NCBP3: variants seen among roughly 807,000 people sequenced by gnomAD.
NCBP3 encodes nuclear cap-binding protein subunit 3.
A neutral mutation model predicts 75.7 loss-of-function variants in NCBP3; 20 were observed. The observed-to-expected ratio is 0.26, with a 90% CI of 0.19 to 0.38. The LOEUF (loss-of-function observed/expected upper bound fraction) is 0.38, where lower values mean the gene tolerates loss of function less well. NCBP3 is among the 10% of genes least tolerant of loss of function. The pLI is 1.00. For synonymous variants in NCBP3, 293 were observed against 290.5 expected (o/e 1.01, Z -0.09); for missense variants, 678 against 796.9 (o/e 0.85, Z 1.80).
intron 3 of NCBP3, among the ~76,000 whole-genome samples, chr17:3,831,204 C>T (rs1233557997): frequency 1.3e-5 from 2 of 151,216 alleles, no homozygotes; most frequent in South Asian, 4.2e-4. Flanking sequence ...AGCCACCACA[C>T]CCGGCTTTTT....
rs1285255770 is a variant in NCBP3, at chr17:3,818,722, T to C, written c.1001-150A>G. On this transcript the variant is annotated intron_variant, in intron 9 of 12. Transcript: ENST00000389005. This position sits in a 1 kb window ranked among gnomAD's most constrained non-coding sequence, Gnocchi z 4.7. ...ATCTATAATAGTGCCAAATGGACATTACTCTGATACTGCAACAGGAGGATG... is the reference window on the plus strand; with the variant it reads ...ATCTATAATAGTGCCAAATGGACATCACTCTGATACTGCAACAGGAGGATG... The C allele has an allele frequency of 3.7e-6, 3 of 807,316 alleles. No individual in the cohort carries two copies. The highest frequency in any genetic ancestry group is 5.8e-6 in the Non-Finnish European group (3 of 514,888). 50.0% of individuals were successfully genotyped at this position (807,316 alleles called of 1,614,324 possible). A position where few individuals can be genotyped will look rare whatever the true frequency, so the allele number is the denominator to read the frequency against.
At chr17:3,844,277 T>C (rs919648071) in intron 1 of NCBP3, among the ~76,000 whole-genome samples, 5 of 152,160 alleles carry the variant, frequency 3.3e-5, no homozygotes, top group African/African-American at 9.7e-5. Flanking sequence ...ACTGTATAGT[T>C]TTCTTGACCT....
chr17:3,822,896 AGTCTGG>A (rs1362481721), intron 7 of NCBP3: 10 of 152,254 alleles, frequency 6.6e-5, no homozygotes, highest in African/African-American at 2.4e-4. Context: ...ATGCAAAATG[AGTCTGG>A]AAAAGCAAGA....
chr17:3,813,251 T>A lies in NCBP3; in HGVS notation c.1656A>T (p.Ala552=), dbSNP rs1476013702. ...SGNLWTRLGS[A]PKTKEKNTKK... ...TCGTATTCTTTTCTTTGGTCTTGGGTGCAGATCCTAGGCGAGTCCATAAAT... is the reference window on the plus strand; with the variant it reads ...TCGTATTCTTTTCTTTGGTCTTGGGAGCAGATCCTAGGCGAGTCCATAAAT... Residue 552 remains alanine (A), a synonymous_variant, in exon 13 of 13, where the codon GCA becomes GCT. Coordinates refer to ENST00000389005, the MANE Select transcript of NCBP3 (RefSeq NM_001114118.3). 6.2e-7 allele frequency: 1 copy of A among 1,614,198 alleles called. No homozygotes were observed. Among genetic ancestry groups the A allele is most frequent in the South Asian group, 1.1e-5 (1 of 91,082 alleles).
In NCBP3 at chr17:3,825,089, T is replaced by C. The variant is rs777424938; in HGVS notation, c.688-39A>G. ...AGTATTTTTAATATAAAAATTAAAG[T>C]CCTTTTGATATTTCTTCAGTAGTAA... is the stretch of plus-strand genomic sequence containing the variant. On this transcript the variant is annotated intron_variant, in intron 6 of 12. Coordinates refer to ENST00000389005, the MANE Select transcript of NCBP3 (RefSeq NM_001114118.3). 42 of 1,183,106 alleles carry C rather than the reference T, an allele frequency of 3.5e-5. No individual in the cohort carries two copies. In the Middle Eastern group the frequency reaches 7.2e-4, roughly 20 times the overall value. The allele number at this position is 1,183,106 out of a possible 1,614,324, so 73.3% of individuals were successfully genotyped here. A position where few individuals can be genotyped will look rare whatever the true frequency, so the allele number is the denominator to read the frequency against.
At chr17:3,830,488 G>A (rs2053858208) in intron 3 of NCBP3, among the ~76,000 whole-genome samples, 1 of 152,174 alleles carries the variant, frequency 6.6e-6, no homozygotes, top group African/African-American at 2.4e-5. Flanking sequence ...CAGACACCCA[G>A]AAAAGGCCAA....
Position 3,803,719 on chromosome 17 carries a change from T to C in NCBP3, c.*9325A>G, listed in dbSNP as rs1007367143. The C allele has an allele frequency of 1.3e-5, 2 of 152,230 alleles. No individual in the cohort carries two copies. Among genetic ancestry groups the C allele is most frequent in the Admixed American group, 1.3e-4 (2 of 15,272 alleles). The allele number at this position is 152,230 out of a possible 1,614,324, so 9.4% of individuals were successfully genotyped here. A position where few individuals can be genotyped will look rare whatever the true frequency, so the allele number is the denominator to read the frequency against. On this transcript the variant is annotated 3_prime_UTR_variant, in exon 13 of 13. Transcript: ENST00000389005. ...TTGAAATTATTTCAAAATAAAGTTT[T>C]AAATATTTTAAAAAATTTTTTTCTT...
At chr17:3,831,508 G>A in intron 3 of NCBP3, among the ~76,000 whole-genome samples, 1 of 143,440 alleles carries the variant, frequency 7.0e-6, no homozygotes, top group Non-Finnish European at 1.6e-5. Flanking sequence ...GGGAGGCGGA[G>A]CTTGCAGTGA....
chr17:3,813,018 G>A lies in NCBP3; in HGVS notation c.*26C>T. The A allele has an allele frequency of 1.9e-6, 3 of 1,613,638 alleles. No homozygotes were observed. The highest frequency in any genetic ancestry group is 2.2e-5 in the South Asian group (2 of 90,956). ...CCTGTGCAAGAATGTCAGGCTTTAG[G>A]GCAGCTGCCATAGGCCCCAGGGGCA... On this transcript the variant is annotated 3_prime_UTR_variant, in exon 13 of 13. Transcript: ENST00000389005.
At chr17:3,828,108 G>A (rs1028973396) in intron 4 of NCBP3, among the ~76,000 whole-genome samples, 44 of 152,116 alleles carry the variant, frequency 2.9e-4, no homozygotes, top group Admixed American at 5.9e-4. Context: ...TAGTAGAGAC[G>A]GGGTTTTGCC....
chr17:3,817,585 C>T (rs1289745295), intron 10 of NCBP3, among the ~76,000 whole-genome samples: 1 of 151,956 alleles, frequency 6.6e-6, no homozygotes, highest in Non-Finnish European at 1.5e-5. Flanking sequence ...GCCGAGATCG[C>T]GCCACTGCAC....
intron 3 of NCBP3, among the ~76,000 whole-genome samples, chr17:3,835,487 G>T (rs55799124): frequency 6.6e-6 from 1 of 152,206 alleles, no homozygotes; most frequent in Non-Finnish European, 1.5e-5. Flanking sequence ...AAAGTTGAGC[G>T]AATGGGCAGC....
At position 3,818,520 on chromosome 17, in the gene NCBP3, C is replaced by G. The variant is rs753327150; in HGVS notation, c.1053G>C (p.Glu351Asp). ...CTTCTTCTTCCTCTTCCTCTTCCTC[C>G]TCCTCCTCCTCTTCCTCCTCTTCAA... ...EPIEEEEEEE[E>D]EEEEEEEEDQ... Residue 351 changes from glutamate (E) to aspartate (D), a missense_variant, in exon 10 of 13, where the codon GAG becomes GAC. Glu to Asp is a conservative substitution (Grantham distance 45). Coordinates refer to ENST00000389005, the MANE Select transcript of NCBP3 (RefSeq NM_001114118.3). The surrounding 1 kb of genome is among the most constrained non-coding windows in gnomAD (Gnocchi z 4.7). 3.1e-6 allele frequency: 5 copies of G among 1,611,102 alleles called. No individual in the cohort carries two copies. In the Admixed American group the frequency reaches 8.3e-5, roughly 27 times the overall value.
intron 3 of NCBP3, 32 bp downstream of exon 3, chr17:3,840,068 T>G: frequency 6.6e-7 from 1 of 1,519,052 alleles, no homozygotes; most frequent in East Asian, 2.5e-5. Context: ...TCTGGGGAAA[T>G]GTGGACAAAT....
intron 7 of NCBP3, chr17:3,824,449 CAT>C (rs201231933): frequency 0.035 from 4,523 of 129,734 alleles, 110 homozygotes; most frequent in African/African-American, 0.1. Flanking sequence ...CACATGCATA[CAT>C]ACACACATAC....
Position 3,826,080 on chromosome 17 carries a change from T to C in NCBP3, c.610+7A>G. Reference sequence around the variant, plus strand: ...TCAGACCCCAGTTCCCTCCTTTGTGTTGTTACCTTTTTTCCTTTTCTCAGC... The same window carrying C: ...TCAGACCCCAGTTCCCTCCTTTGTGCTGTTACCTTTTTTCCTTTTCTCAGC... On this transcript the variant is annotated splice_region_variant and intron_variant, in intron 5 of 12. Coordinates refer to ENST00000389005, the MANE Select transcript of NCBP3 (RefSeq NM_001114118.3). 1.9e-6 allele frequency: 3 copies of C among 1,550,688 alleles called. No homozygotes were observed. Among genetic ancestry groups the C allele is most frequent in the Middle Eastern group, 1.7e-4 (1 of 5,980 alleles).
intron 3 of NCBP3, among the ~76,000 whole-genome samples, chr17:3,834,301 A>C (rs1254794443): frequency 2.0e-5 from 3 of 152,246 alleles, no homozygotes; most frequent in Non-Finnish European, 4.4e-5. Flanking sequence ...ACAAAAGTTC[A>C]CTGCCATAAG....
intron 6 of NCBP3, 94 bp from the exon 7 acceptor site, chr17:3,825,144 TAATA>T: frequency 1.6e-6 from 1 of 643,990 alleles, no homozygotes; most frequent in Non-Finnish European, 2.6e-6. Flanking sequence ...ATTCTACCTT[TAATA>T]CTTACAAGCA....
Position 3,811,829 on chromosome 17 carries a change from G to C in NCBP3, c.*1215C>G, listed in dbSNP as rs1262881154. ...ATTAAATACTACAAAACAAAAATCA[G>C]ACAGGAAGACGAAACAATCTACCTC... On this transcript the variant is annotated 3_prime_UTR_variant, in exon 13 of 13. Coordinates refer to ENST00000389005, the MANE Select transcript of NCBP3 (RefSeq NM_001114118.3). The C allele has an allele frequency of 1.3e-5, 2 of 152,174 alleles. No homozygotes were observed. The highest frequency in any genetic ancestry group is 4.8e-5 in the African/African-American group (2 of 41,422). The allele number at this position is 152,174 out of a possible 1,614,324, so 9.4% of individuals were successfully genotyped here.
Sources: allele counts gnomAD v4.1 joint callset (sites outside exome capture counted in the v4.1 genomes callset), GRCh38; gene constraint gnomAD v4.1.1; non-coding constraint Gnocchi (gnomAD v3.1); transcripts MANE v1.5; gene names NCBI Gene and HGNC (gene_info 2026-07-23, HGNC 2026-07-21).